KCNN2: variants seen among roughly 807,000 people sequenced by gnomAD.
The protein encoded by KCNN2 is small conductance calcium-activated potassium channel protein 2.
Under a neutral mutation model 55.5 loss-of-function variants are expected in KCNN2, and 24 were observed. That is an observed-to-expected ratio of 0.43 (90% CI 0.31 to 0.61). The LOEUF (loss-of-function observed/expected upper bound fraction) is 0.61, where lower values mean the gene tolerates loss of function less well. Ranked by LOEUF, KCNN2 falls within the 20% of genes least tolerant of loss-of-function variation. The probability of loss-of-function intolerance (pLI) is 0.08; values close to 1 mark genes in which losing one functional copy is unlikely to be tolerated. For synonymous variants in KCNN2, 431 were observed against 336.1 expected, an observed-to-expected ratio of 1.28 and a Z score of -3.09; for missense variants, 754 against 853.6, an observed-to-expected ratio of 0.88 and a Z score of 1.45.
chr5:114,164,534 TAGAA>T (rs1271486960), intron 1 of KCNN2, among the ~76,000 whole-genome samples: 1 of 152,146 alleles, frequency 6.6e-6, no homozygotes, highest in Non-Finnish European at 1.5e-5. Flanking sequence ...GGAATGGAGT[TAGAA>T]AGTAGCCACC....
At chr5:114,187,885 G>A (rs1342408636) in intron 1 of KCNN2, among the ~76,000 whole-genome samples, 3 of 151,070 alleles carry the variant, frequency 2.0e-5, no homozygotes, top group Admixed American at 2.0e-4. Flanking sequence ...CGCAATCTCG[G>A]CTCACTGCAA....
chr5:114,090,163 C>A (rs1207175519), intron 1 of KCNN2, among the ~76,000 whole-genome samples: 1 of 151,896 alleles, frequency 6.6e-6, no homozygotes, highest in Non-Finnish European at 1.5e-5. Flanking sequence ...TTTTTAATGA[C>A]CTAAAATTTA....
At chr5:114,292,418 A>G (rs1322557424) in intron 2 of KCNN2, among the ~76,000 whole-genome samples, 2 of 152,184 alleles carry the variant, frequency 1.3e-5, no homozygotes, top group Non-Finnish European at 2.9e-5. Context: ...ATGGCTAGCC[A>G]GTTTTCCCAG....
intron 1 of KCNN2, among the ~76,000 whole-genome samples, chr5:114,078,797 C>T (rs1487218): frequency 0.77 from 117,722 of 152,058 alleles, 45,626 homozygotes; most frequent in African/African-American, 0.84. Flanking sequence ...TTAGATCATA[C>T]TGCCAGAGGT....
At chr5:114,101,684 G>A (rs1240759547) in intron 1 of KCNN2, among the ~76,000 whole-genome samples, 1 of 151,898 alleles carries the variant, frequency 6.6e-6, no homozygotes, top group Admixed American at 6.6e-5. Context: ...AACATGTGGT[G>A]TTTGGTTTTC....
chr5:114,361,440 A>C (rs1371619083), upstream of KCNN2, among the ~76,000 whole-genome samples: 1 of 151,970 alleles, frequency 6.6e-6, no homozygotes, highest in African/African-American at 2.4e-5. Flanking sequence ...GATTCTCCCC[A>C]CACGCTGCTG....
intron 1 of KCNN2, among the ~76,000 whole-genome samples, chr5:114,148,896 C>T (rs551705914): frequency 2.0e-5 from 3 of 152,052 alleles, no homozygotes; most frequent in Admixed American, 1.3e-4. Context: ...TAACTTGTGG[C>T]AGTTGAAGAG....
At chr5:114,424,096 A>G (rs758873988) in intron 3 of KCNN2, among the ~76,000 whole-genome samples, 1 of 152,248 alleles carries the variant, frequency 6.6e-6, no homozygotes, top group Non-Finnish European at 1.5e-5. Flanking sequence ...TGTTTATGCC[A>G]AAGGCATTAT....
At chr5:114,389,064 GACCTTGTATCTGCTTTTT>G (rs1758369500) in intron 2 of KCNN2, among the ~76,000 whole-genome samples, 1 of 151,828 alleles carries the variant, frequency 6.6e-6, no homozygotes, top group African/African-American at 2.4e-5. Context: ...GATTTTTTGA[GACCTTGTATCTGCTTTTT>G]AGTGGTGTGT....
At chr5:114,321,087 T>A (rs898708029) in intron 2 of KCNN2, among the ~76,000 whole-genome samples, 1 of 152,194 alleles carries the variant, frequency 6.6e-6, no homozygotes, top group African/African-American at 2.4e-5. Flanking sequence ...TACAATTGTT[T>A]CCCACGTCTT....
At chr5:114,424,928 G>A (rs1278911636) in intron 3 of KCNN2, among the ~76,000 whole-genome samples, 2 of 152,110 alleles carry the variant, frequency 1.3e-5, no homozygotes, top group South Asian at 4.1e-4. Context: ...AGGGAAGAAG[G>A]TGGTCAAGAC....
intron 1 of KCNN2, among the ~76,000 whole-genome samples, chr5:114,141,092 T>C (rs906713816): frequency 1.3e-5 from 2 of 152,070 alleles, no homozygotes; most frequent in Non-Finnish European, 2.9e-5. Flanking sequence ...TGCTTCATTA[T>C]TATTATTTTT....
intron 1 of KCNN2, among the ~76,000 whole-genome samples, chr5:114,113,839 A>G (rs1580525860): frequency 6.6e-6 from 1 of 152,106 alleles, no homozygotes; most frequent in South Asian, 2.1e-4. Flanking sequence ...AGTCTATGGC[A>G]GTACTCATTG....
intron 1 of KCNN2, among the ~76,000 whole-genome samples, chr5:114,146,955 G>T (rs1752410852): frequency 6.6e-6 from 1 of 152,194 alleles, no homozygotes; most frequent in African/African-American, 2.4e-5. Context: ...ATTAGTGTCA[G>T]CAATATTTTT....
At chr5:114,451,670 G>A (rs766232094) in intron 3 of KCNN2, among the ~76,000 whole-genome samples, 14 of 152,112 alleles carry the variant, frequency 9.2e-5, no homozygotes, top group Admixed American at 3.9e-4. Context: ...GCCAAGGCGG[G>A]CGGATTATGA....
In KCNN2 at chr5:114,439,174, T is replaced by C. The variant is rs760071577; in HGVS notation, c.1638-23875T>C. ...CCATAGCTAAATGGGAAGGGAAATC[T>C]CCACATGCCTACATATATGTATGAA... On this transcript the variant is annotated intron_variant, in intron 3 of 7. Coordinates refer to ENST00000673685, the MANE Select transcript of KCNN2 (RefSeq NM_021614.4). Among the ~76,000 whole-genome samples, 4 of 152,266 alleles carry C rather than the reference T, an allele frequency of 2.6e-5. No individual in the cohort carries two copies. In the Middle Eastern group the frequency reaches 0.014, roughly 518 times the overall value.
At chr5:114,274,000 T>G (rs559689359) in intron 2 of KCNN2, among the ~76,000 whole-genome samples, 1 of 152,350 alleles carries the variant, frequency 6.6e-6, no homozygotes, top group East Asian at 1.9e-4. Flanking sequence ...TTAATCCATC[T>G]TGAGTTAATT....
chr5:114,387,271 G>T (rs1386971470), intron 2 of KCNN2, among the ~76,000 whole-genome samples: 2 of 152,202 alleles, frequency 1.3e-5, no homozygotes, highest in African/African-American at 2.4e-5. Flanking sequence ...ATGGCTGCTT[G>T]TGACAAACTT....
At chr5:114,331,652 A>G (rs545933179) in intron 2 of KCNN2, among the ~76,000 whole-genome samples, 1 of 152,264 alleles carries the variant, frequency 6.6e-6, no homozygotes, top group Admixed American at 6.5e-5. Context: ...CACTGATTAC[A>G]TAAAAACAGT....
Sources: gnomAD v4.1 joint callset for allele counts (sites outside exome capture counted in the v4.1 genomes callset) on GRCh38, gnomAD v4.1.1 for gene constraint, MANE v1.5 for transcripts, NCBI Gene and HGNC (gene_info 2026-07-23, HGNC 2026-07-21) for gene names.